Variants in SH3GL2 observed in about 807,000 individuals in gnomAD.
The protein encoded by SH3GL2 is endophilin-A1.
In SH3GL2, 24 loss-of-function variants were observed where a neutral mutation model predicts 46.0. The observed-to-expected ratio is 0.52, with a 90% confidence interval of 0.38 to 0.73. SH3GL2 has a LOEUF of 0.73. Ranked by LOEUF, SH3GL2 falls within the 30% of genes least tolerant of loss-of-function variation. The probability of loss-of-function intolerance (pLI) is 0.00; values close to 1 mark genes in which losing one functional copy is unlikely to be tolerated. For synonymous variants in SH3GL2, 196 were observed against 147.1 expected, an observed-to-expected ratio of 1.33 and a Z score of -2.40; for missense variants, 413 against 424.2, an observed-to-expected ratio of 0.97 and a Z score of 0.23.
intron 1 of SH3GL2, among the ~76,000 whole-genome samples, chr9:17,680,533 A>T (rs1161219078): frequency 6.6e-6 from 1 of 151,694 alleles, no homozygotes; most frequent in Non-Finnish European, 1.5e-5. Context: ...CTTCTTTATT[A>T]GTCTTCCTGG....
At chr9:17,791,655 T>C (rs1246385275) in intron 7 of SH3GL2, among the ~76,000 whole-genome samples, 4 of 152,184 alleles carry the variant, frequency 2.6e-5, no homozygotes, top group African/African-American at 9.7e-5. Flanking sequence ...TGGATACATA[T>C]CATCATCAAT....
At chr9:17,666,608 G>T (rs558370944) in intron 1 of SH3GL2, among the ~76,000 whole-genome samples, 214 of 149,194 alleles carry the variant, frequency 1.4e-3, no homozygotes, top group Non-Finnish European at 2.0e-3. Context: ...TTTTTCATCA[G>T]TTCATAGGAA....
intron 1 of SH3GL2, among the ~76,000 whole-genome samples, chr9:17,744,862 C>T (rs1473153254): frequency 6.6e-6 from 1 of 152,152 alleles, no homozygotes; most frequent in Non-Finnish European, 1.5e-5. Context: ...GATCATCAGT[C>T]AGCATCACTC....
chr9:17,751,629 G>C (rs1563839316), intron 2 of SH3GL2, among the ~76,000 whole-genome samples: 1 of 152,122 alleles, frequency 6.6e-6, no homozygotes, highest in African/African-American at 2.4e-5. Context: ...AGGCACACCA[G>C]TCATCTCTTG....
intron 1 of SH3GL2, among the ~76,000 whole-genome samples, chr9:17,711,706 T>G (rs977458095): frequency 1.3e-5 from 2 of 151,878 alleles, no homozygotes; most frequent in African/African-American, 4.8e-5. Flanking sequence ...TGTTTATCCA[T>G]AAGCACCTGT....
At chr9:17,793,858 G>C (rs1272566183) in intron 8 of SH3GL2, among the ~76,000 whole-genome samples, 1 of 152,200 alleles carries the variant, frequency 6.6e-6, no homozygotes, top group Non-Finnish European at 1.5e-5. Flanking sequence ...TGTTCGCTCT[G>C]AATCCAGCCT....
chr9:17,697,214 C>T (rs1821225071), intron 1 of SH3GL2, among the ~76,000 whole-genome samples: 1 of 151,444 alleles, frequency 6.6e-6, no homozygotes, highest in Non-Finnish European at 1.5e-5. Context: ...TGAGCATGAG[C>T]TCAAATGCAT....
chr9:17,668,604 C>G (rs1456191041), intron 1 of SH3GL2, among the ~76,000 whole-genome samples: 1 of 152,088 alleles, frequency 6.6e-6, no homozygotes, highest in African/African-American at 2.4e-5. Context: ...ATGTTTTCCC[C>G]TTATAATTCT....
At chr9:17,582,810 T>C (rs983936996) in intron 1 of SH3GL2, among the ~76,000 whole-genome samples, 1 of 152,220 alleles carries the variant, frequency 6.6e-6, no homozygotes, top group Admixed American at 6.5e-5. Context: ...CGAGGCTGCC[T>C]TCTTAGCTCT....
At chr9:17,737,444 G>C (rs1412428598) in intron 1 of SH3GL2, among the ~76,000 whole-genome samples, 2 of 152,024 alleles carry the variant, frequency 1.3e-5, no homozygotes, top group Admixed American at 6.6e-5. Flanking sequence ...CTGATTCCTA[G>C]TGTCCTTTGG....
chr9:17,774,247 A>G (rs747384527), intron 3 of SH3GL2, among the ~76,000 whole-genome samples: 42 of 152,132 alleles, frequency 2.8e-4, no homozygotes, highest in Non-Finnish European at 5.9e-4. Flanking sequence ...CTGAAAATAG[A>G]TAATTTTACT....
At chr9:17,698,149 C>T (rs1270963491) in intron 1 of SH3GL2, among the ~76,000 whole-genome samples, 3 of 152,126 alleles carry the variant, frequency 2.0e-5, no homozygotes, top group Non-Finnish European at 4.4e-5. Context: ...AGAAGGAGTC[C>T]TGGATAGGAA....
chr9:17,729,067 A>G (rs1459396708), intron 1 of SH3GL2, among the ~76,000 whole-genome samples: 1 of 151,894 alleles, frequency 6.6e-6, no homozygotes, highest in African/African-American at 2.4e-5. Context: ...CACAATGACA[A>G]ATTTATACTC....
At chr9:17,611,969 C>T (rs1293894510) in intron 1 of SH3GL2, among the ~76,000 whole-genome samples, 1 of 152,206 alleles carries the variant, frequency 6.6e-6, no homozygotes, top group Non-Finnish European at 1.5e-5. Flanking sequence ...GCATCATCTT[C>T]TTTCACCCTG....
intron 1 of SH3GL2, among the ~76,000 whole-genome samples, chr9:17,674,765 T>C (rs368721928): frequency 6.6e-6 from 1 of 152,130 alleles, no homozygotes; most frequent in East Asian, 1.9e-4. Flanking sequence ...CAGCTCTGCC[T>C]CCCTCTCTCA....
At chr9:17,637,383 T>C (rs1819565054) in intron 1 of SH3GL2, among the ~76,000 whole-genome samples, 1 of 152,202 alleles carries the variant, frequency 6.6e-6, no homozygotes, top group Admixed American at 6.5e-5. Context: ...TCTGGGGACA[T>C]TGAATTCCCA....
At chr9:17,694,068 C>G (rs368812134) in intron 1 of SH3GL2, among the ~76,000 whole-genome samples, 1 of 152,092 alleles carries the variant, frequency 6.6e-6, no homozygotes, top group Non-Finnish European at 1.5e-5. Flanking sequence ...TAGTTGGAAA[C>G]TTTCATATTA....
At chr9:17,627,654 G>T (rs1321612532) in intron 1 of SH3GL2, among the ~76,000 whole-genome samples, 14 of 152,254 alleles carry the variant, frequency 9.2e-5, no homozygotes, top group African/African-American at 3.4e-4. Context: ...AATTGCTGTG[G>T]CGGTGCTCTG....
intron 1 of SH3GL2, among the ~76,000 whole-genome samples, chr9:17,613,217 A>G (rs947717461): frequency 1.3e-5 from 2 of 152,286 alleles, no homozygotes; most frequent in East Asian, 3.9e-4. Flanking sequence ...TGACAGTGAG[A>G]TAGTAGAAGT....
Sources: gnomAD v4.1 joint callset for allele counts (sites outside exome capture counted in the v4.1 genomes callset) on GRCh38, gnomAD v4.1.1 for gene constraint, MANE v1.5 for transcripts, NCBI Gene and HGNC (gene_info 2026-07-23, HGNC 2026-07-21) for gene names.